LRMDA: variants seen among roughly 807,000 people sequenced by gnomAD.
The protein encoded by LRMDA is leucine-rich melanocyte differentiation-associated protein.
Under a neutral mutation model 29.8 loss-of-function variants are expected in LRMDA, and 18 were observed. That is an observed-to-expected ratio of 0.60 (90% CI 0.42 to 0.90). The LOEUF is 0.90. LRMDA is among the 40% of genes least tolerant of loss of function. The pLI, the probability that LRMDA is intolerant of heterozygous loss-of-function variation, is 0.00. For synonymous variants in LRMDA, 125 were observed against 109.4 expected, an observed-to-expected ratio of 1.14 and a Z score of -0.89; for missense variants, 273 against 273.9, an observed-to-expected ratio of 1.00 and a Z score of 0.02.
At chr10:75,936,907 A>G (rs1169329514) in intron 2 of LRMDA, among the ~76,000 whole-genome samples, 1 of 152,142 alleles carries the variant, frequency 6.6e-6, no homozygotes, top group Non-Finnish European at 1.5e-5. Flanking sequence ...CCATGCATGT[A>G]TTTCAGTATT....
chr10:76,345,521 G>A (rs1437042551), intron 6 of LRMDA, among the ~76,000 whole-genome samples: 1 of 149,542 alleles, frequency 6.7e-6, no homozygotes, highest in Non-Finnish European at 1.5e-5. Flanking sequence ...ATAAAACAAG[G>A]TGTAGAATAG....
intron 5 of LRMDA, among the ~76,000 whole-genome samples, chr10:76,306,461 T>C (rs537667998): frequency 6.6e-6 from 1 of 152,336 alleles, no homozygotes; most frequent in East Asian, 1.9e-4. Flanking sequence ...TAGTCCTAAG[T>C]CTGTAGGTCT....
chr10:76,274,595 C>T (rs1224147691), intron 5 of LRMDA, among the ~76,000 whole-genome samples: 1 of 152,094 alleles, frequency 6.6e-6, no homozygotes, highest in Admixed American at 6.6e-5. Context: ...TTAGTTAGAA[C>T]ATAGTACCAC....
intron 2 of LRMDA, among the ~76,000 whole-genome samples, chr10:75,520,852 A>G (rs1845348276): frequency 6.6e-6 from 1 of 152,148 alleles, no homozygotes. Flanking sequence ...TTGGTGACCT[A>G]CAGATGGGGT....
chr10:76,482,512 A>C (rs1171234422), intron 6 of LRMDA, among the ~76,000 whole-genome samples: 1 of 151,918 alleles, frequency 6.6e-6, no homozygotes, highest in Non-Finnish European at 1.5e-5. Context: ...ATGTTGTTGC[A>C]TGTAGCAGAA....
At chr10:75,939,713 C>T (rs778286706) in intron 2 of LRMDA, among the ~76,000 whole-genome samples, 2 of 152,150 alleles carry the variant, frequency 1.3e-5, no homozygotes, top group Admixed American at 6.5e-5. Flanking sequence ...AGTCAGTACT[C>T]TCAGAGGTCA....
intron 6 of LRMDA, among the ~76,000 whole-genome samples, chr10:76,416,373 A>G (rs1008421045): frequency 5.3e-5 from 8 of 152,160 alleles, no homozygotes; most frequent in African/African-American, 1.4e-4. Flanking sequence ...ACTTGATTCA[A>G]CCCTCAGATC....
At chr10:76,101,996 G>A in intron 5 of LRMDA, among the ~76,000 whole-genome samples, 1 of 152,060 alleles carries the variant, frequency 6.6e-6, no homozygotes, top group Non-Finnish European at 1.5e-5. Context: ...TGATTATGAA[G>A]TTTATATATT....
intron 2 of LRMDA, chr10:75,742,694 A>G (rs981843713): frequency 2.6e-5 from 4 of 152,210 alleles, no homozygotes; most frequent in Admixed American, 1.3e-4. Context: ...CATTCTGAAC[A>G]GTGTGAGAAG....
At chr10:75,759,346 T>C (rs1437016334) in intron 2 of LRMDA, among the ~76,000 whole-genome samples, 3 of 152,248 alleles carry the variant, frequency 2.0e-5, no homozygotes, top group Non-Finnish European at 4.4e-5. Context: ...TCATCAAATC[T>C]CATCACCAGT....
At chr10:76,435,642 A>C (rs1038421030) in intron 6 of LRMDA, among the ~76,000 whole-genome samples, 2 of 152,180 alleles carry the variant, frequency 1.3e-5, no homozygotes, top group Non-Finnish European at 2.9e-5. Flanking sequence ...GAGAAGTTGA[A>C]AGACTTCATA....
chr10:76,131,315 GCCACTTCTCCCAGGAA>G (rs1325862481), intron 5 of LRMDA, among the ~76,000 whole-genome samples: 2 of 152,106 alleles, frequency 1.3e-5, no homozygotes, highest in Non-Finnish European at 2.9e-5. Context: ...TCAATGTAAA[GCCACTTCTCCCAGGAA>G]TCTTTCCCTA....
chr10:76,121,085 T>G (rs1175982516), intron 5 of LRMDA, among the ~76,000 whole-genome samples: 1 of 151,980 alleles, frequency 6.6e-6, no homozygotes, highest in East Asian at 1.9e-4. Context: ...TGTTTGTATG[T>G]GTTCCTCACA....
At chr10:76,182,009 A>T (rs1279496977) in intron 5 of LRMDA, among the ~76,000 whole-genome samples, 1 of 152,086 alleles carries the variant, frequency 6.6e-6, no homozygotes, top group Non-Finnish European at 1.5e-5. Context: ...CTCTGACCCC[A>T]TTTTTTTATT....
At chr10:75,644,056 A>C (rs1248961139) in intron 2 of LRMDA, among the ~76,000 whole-genome samples, 1 of 152,248 alleles carries the variant, frequency 6.6e-6, no homozygotes, top group African/African-American at 2.4e-5. Flanking sequence ...CATGGGATTC[A>C]GGATTAGAAT....
chr10:75,900,123 T>C (rs1285139500), intron 2 of LRMDA, among the ~76,000 whole-genome samples: 2 of 152,212 alleles, frequency 1.3e-5, no homozygotes, highest in African/African-American at 2.4e-5. Flanking sequence ...TAATTACTGA[T>C]TGTATACCAG....
At chr10:76,467,123 A>G (rs991807025) in intron 6 of LRMDA, among the ~76,000 whole-genome samples, 1 of 152,232 alleles carries the variant, frequency 6.6e-6, no homozygotes, top group African/African-American at 2.4e-5. Context: ...TGGAATTACT[A>G]AATCAAAAAG....
chr10:75,736,487 C>A (rs1271888528), intron 2 of LRMDA, among the ~76,000 whole-genome samples: 1 of 152,086 alleles, frequency 6.6e-6, no homozygotes, highest in Non-Finnish European at 1.5e-5. Context: ...TCTCATTGCT[C>A]GGTACAGAGG....
chr10:76,268,885 C>T (rs1840036044), intron 5 of LRMDA, among the ~76,000 whole-genome samples: 1 of 151,968 alleles, frequency 6.6e-6, no homozygotes, highest in South Asian at 2.1e-4. Flanking sequence ...GCTTATTGGC[C>T]CCCTAGGTTT....
Sources: gnomAD v4.1 joint callset for allele counts (sites outside exome capture counted in the v4.1 genomes callset) on GRCh38, gnomAD v4.1.1 for gene constraint, MANE v1.5 for transcripts, NCBI Gene and HGNC (gene_info 2026-07-23, HGNC 2026-07-21) for gene names.